CHSY3: variants seen among roughly 807,000 people sequenced by gnomAD.
CHSY3 encodes the protein chondroitin sulfate synthase 3.
CHSY3 carries 35 observed loss-of-function variants against 67.2 expected under a neutral mutation model. The ratio of observed to expected loss-of-function variants is 0.52; its 90% CI spans 0.40 to 0.69. CHSY3 has a LOEUF of 0.69. CHSY3 is among the 30% of genes least tolerant of loss of function. The probability of loss-of-function intolerance (pLI) is 0.00; values close to 1 mark genes in which losing one functional copy is unlikely to be tolerated. For missense variants in CHSY3, 1,069 were observed against 1,138.5 expected (o/e 0.94, Z 0.88); for synonymous variants, 474 against 434.7 (o/e 1.09, Z -1.12).
At chr5:129,941,862 C>T (rs1241956182) in intron 2 of CHSY3, among the ~76,000 whole-genome samples, 1 of 152,150 alleles carries the variant, frequency 6.6e-6, no homozygotes, top group Non-Finnish European at 1.5e-5. Context: ...GACCAACTGG[C>T]TTCAAGCTGG....
At chr5:130,024,148 A>AAAT (rs992134801) in intron 2 of CHSY3, among the ~76,000 whole-genome samples, 1 of 151,430 alleles carries the variant, frequency 6.6e-6, no homozygotes, top group African/African-American at 2.4e-5. Flanking sequence ...AAAAAAAAAA[A>AAAT]AAAAAAGCCT....
At chr5:130,140,967 A>T in intron 2 of CHSY3, 1 of 767,770 alleles carries the variant, frequency 1.3e-6, no homozygotes, top group Non-Finnish European at 1.6e-6. Context: ...GGCACTCTAG[A>T]CTCCGTAGAG....
At chr5:130,138,388 T>G (rs75533724) in intron 2 of CHSY3, among the ~76,000 whole-genome samples, 8,505 of 152,162 alleles carry the variant, frequency 0.056, 667 homozygotes, top group African/African-American at 0.16. Flanking sequence ...AGAATGCCGG[T>G]GGAGCAAGCC....
chr5:129,982,197 C>G (rs1043424857), intron 2 of CHSY3, among the ~76,000 whole-genome samples: 1 of 151,790 alleles, frequency 6.6e-6, no homozygotes, highest in Non-Finnish European at 1.5e-5. Flanking sequence ...ATATACTATT[C>G]ATTTATGTGA....
chr5:130,155,260 A>T (rs12652539), intron 2 of CHSY3, among the ~76,000 whole-genome samples: 50,493 of 152,044 alleles, frequency 0.33, 8,882 homozygotes, highest in Admixed American at 0.43. Context: ...ATATTTAGGA[A>T]GCCCCCATTT....
At chr5:129,942,068 C>T (rs1345020615) in intron 2 of CHSY3, among the ~76,000 whole-genome samples, 1 of 152,132 alleles carries the variant, frequency 6.6e-6, no homozygotes, top group African/African-American at 2.4e-5. Context: ...GTCATCATTC[C>T]TTCCCCCAGG....
intron 2 of CHSY3, among the ~76,000 whole-genome samples, chr5:130,021,949 A>G (rs1764404820): frequency 6.6e-6 from 1 of 152,098 alleles, no homozygotes; most frequent in Non-Finnish European, 1.5e-5. Context: ...AAAGATCCAT[A>G]CGTAGTCAGA....
chr5:129,939,909 G>A (rs1211135586), intron 2 of CHSY3, among the ~76,000 whole-genome samples: 1 of 152,066 alleles, frequency 6.6e-6, no homozygotes, highest in Non-Finnish European at 1.5e-5. Flanking sequence ...ATATTGTATT[G>A]GGAGATATTC....
chr5:129,968,438 T>C (rs951075016), intron 2 of CHSY3, among the ~76,000 whole-genome samples: 70 of 151,878 alleles, frequency 4.6e-4, no homozygotes, highest in Non-Finnish European at 8.8e-4. Flanking sequence ...AGCAAACATA[T>C]ATTGAATATT....
Position 130,184,515 on chromosome 5 carries a change from G to A in CHSY3, c.1373G>A (p.Arg458Gln), listed in dbSNP as rs368414278. Residue 458 changes from arginine (R) to glutamine (Q), a missense_variant, in exon 3 of 3, where the codon CGG (arginine) becomes CAG (glutamine). Coordinates refer to ENST00000305031, the MANE Select transcript of CHSY3 (RefSeq NM_175856.5). ...VIPSFNHFQP[R>Q]ERNEVIEWEF... is the part of the protein sequence containing the mutation. ...CCTTCTTTCAACCACTTCCAGCCTC[G>A]GGAGAGAAATGAAGTGATAGAATGG... 14 of 1,610,292 alleles carry A rather than the reference G, an allele frequency of 8.7e-6. No individual in the cohort carries two copies. The highest frequency in any genetic ancestry group is 2.2e-5 in the South Asian group (2 of 90,996).
At chr5:129,947,168 G>A (rs1484232573) in intron 2 of CHSY3, among the ~76,000 whole-genome samples, 1 of 152,118 alleles carries the variant, frequency 6.6e-6, no homozygotes, top group African/African-American at 2.4e-5. Flanking sequence ...CAGCAGGAAG[G>A]AGAAGTGCCC....
At chr5:129,911,235 T>C (rs1760534619) in intron 2 of CHSY3, among the ~76,000 whole-genome samples, 1 of 152,044 alleles carries the variant, frequency 6.6e-6, no homozygotes. Flanking sequence ...TTGAAGCTTC[T>C]AGTATTCTTC....
intron 2 of CHSY3, among the ~76,000 whole-genome samples, chr5:130,167,380 A>C (rs951483959): frequency 6.6e-6 from 1 of 152,088 alleles, no homozygotes; most frequent in Non-Finnish European, 1.5e-5. Context: ...AGGATAGCTA[A>C]TAGTACCTTG....
At chr5:130,166,673 G>C (rs1248492860) in intron 2 of CHSY3, among the ~76,000 whole-genome samples, 1 of 151,994 alleles carries the variant, frequency 6.6e-6, no homozygotes, top group Non-Finnish European at 1.5e-5. Context: ...ACTATAATTA[G>C]GATATTTTTT....
intron 2 of CHSY3, among the ~76,000 whole-genome samples, chr5:130,000,513 TTCTC>T (rs1447542018): frequency 6.6e-6 from 1 of 152,250 alleles, no homozygotes; most frequent in East Asian, 1.9e-4. Context: ...TTTGTGTTCT[TTCTC>T]TCTAACTCCA....
intron 2 of CHSY3, among the ~76,000 whole-genome samples, chr5:130,049,770 CTT>C (rs72080416): frequency 6.8e-6 from 1 of 146,182 alleles, no homozygotes; most frequent in Admixed American, 6.9e-5. Context: ...ATCTCCCCAT[CTT>C]TTTTTTTTTT....
Position 130,185,121 on chromosome 5 carries a change from G to C in CHSY3, c.1979G>C (p.Ser660Thr), listed in dbSNP as rs773870428. ...QNVKLVIILF[S>T]RDSGQDSSKH... ...GTAAAGTTGGTCATTATCCTTTTCA[G>C]TAGGGATTCTGGCCAAGACTCCAGC... is the stretch of plus-strand genomic sequence containing the variant. The change falls in exon 3 of 3, where the codon AGT becomes ACT. Residue 660 changes from serine to threonine, a missense_variant. Ser to Thr is a moderately conservative substitution (Grantham distance 58). This residue lies in a region of CHSY3 where 401 missense variants were observed against 395.2 expected (regional missense o/e 1.01). Coordinates refer to ENST00000305031, the MANE Select transcript of CHSY3 (RefSeq NM_175856.5). 1 of 1,595,900 alleles carries C rather than the reference G, an allele frequency of 6.3e-7. No homozygotes were observed. Among genetic ancestry groups the C allele is most frequent in the South Asian group, 1.1e-5 (1 of 90,680 alleles).
chr5:130,166,330 G>A (rs1176057468), intron 2 of CHSY3, among the ~76,000 whole-genome samples: 1 of 152,112 alleles, frequency 6.6e-6, no homozygotes, highest in Non-Finnish European at 1.5e-5. Flanking sequence ...CTATTATGGT[G>A]ACAGTGAGTC....
chr5:129,960,643 ATC>A (rs1256849543), intron 2 of CHSY3, among the ~76,000 whole-genome samples: 8 of 152,040 alleles, frequency 5.3e-5, no homozygotes, highest in African/African-American at 1.9e-4. Context: ...CAATGTAATA[ATC>A]TCTGATAATT....
Sources: allele counts gnomAD v4.1 joint callset (sites outside exome capture counted in the v4.1 genomes callset), GRCh38; gene constraint gnomAD v4.1.1; regional missense constraint gnomAD v4.1.1; transcripts MANE v1.5; gene names NCBI Gene and HGNC (gene_info 2026-07-23, HGNC 2026-07-21).